SLCO5A1: variants seen among roughly 807,000 people sequenced by gnomAD.
SLCO5A1 encodes the protein solute carrier organic anion transporter family member 5A1.
Under a neutral mutation model 65.1 loss-of-function variants are expected in SLCO5A1, and 39 were observed. The ratio of observed to expected loss-of-function variants is 0.60; its 90% confidence interval spans 0.46 to 0.78. The LOEUF is 0.78. Among genes scored for constraint, SLCO5A1 ranks in the 30% least tolerant of loss-of-function variants. SLCO5A1 has a pLI of 0.00. For missense variants in SLCO5A1, 1,029 were observed against 1,069.4 expected (o/e 0.96, Z 0.53); for synonymous variants, 438 against 415.7 (o/e 1.05, Z -0.65).
chr8:69,695,778 A>G (rs1160587743), intron 6 of SLCO5A1, among the ~76,000 whole-genome samples: 2 of 152,172 alleles, frequency 1.3e-5, no homozygotes, highest in East Asian at 3.9e-4. Flanking sequence ...CTTGCCTTTG[A>G]AAACAATACT....
chr8:69,829,867 G>A (rs1023652480), intron 2 of SLCO5A1, among the ~76,000 whole-genome samples: 3 of 152,162 alleles, frequency 2.0e-5, no homozygotes, highest in Non-Finnish European at 2.9e-5. Context: ...AGAAGGCTTA[G>A]CCTCCCATCT....
chr8:69,719,464 G>A (rs1439492128), intron 5 of SLCO5A1, among the ~76,000 whole-genome samples: 1 of 152,138 alleles, frequency 6.6e-6, no homozygotes, highest in East Asian at 1.9e-4. Flanking sequence ...TGTGAAGTAG[G>A]AAGTTAAGAA....
intron 5 of SLCO5A1, among the ~76,000 whole-genome samples, chr8:69,709,975 T>C (rs1815153117): frequency 6.6e-6 from 1 of 150,974 alleles, no homozygotes. Context: ...GTAGCTAGTG[T>C]TCATCCTGTA....
At chr8:69,761,597 T>A in intron 3 of SLCO5A1, 146 bp downstream of exon 3, 1 of 750,984 alleles carries the variant, frequency 1.3e-6, no homozygotes. Context: ...TTCTTTGGGA[T>A]GTTATTAACC....
intron 5 of SLCO5A1, among the ~76,000 whole-genome samples, chr8:69,716,314 CAT>C (rs778649977): frequency 3.3e-5 from 5 of 152,112 alleles, no homozygotes; most frequent in Non-Finnish European, 7.3e-5. Flanking sequence ...TTTGTGTGAG[CAT>C]ATGTTTTTGT....
intron 2 of SLCO5A1, among the ~76,000 whole-genome samples, chr8:69,818,425 C>T (rs1820491626): frequency 6.6e-6 from 1 of 152,190 alleles, no homozygotes; most frequent in African/African-American, 2.4e-5. Flanking sequence ...TTTATAGAAA[C>T]AGAATCTGCA....
chr8:69,697,555 G>C (rs190828089), intron 6 of SLCO5A1, among the ~76,000 whole-genome samples: 7 of 152,206 alleles, frequency 4.6e-5, no homozygotes, highest in Non-Finnish European at 2.9e-5. Context: ...AATCAAGAGT[G>C]GGGGGACAGC....
chr8:69,750,402 G>A (rs1475630811), intron 4 of SLCO5A1, among the ~76,000 whole-genome samples: 1 of 151,954 alleles, frequency 6.6e-6, no homozygotes, highest in African/African-American at 2.4e-5. Context: ...CTCTTTGAGT[G>A]CTACCAAACA....
chr8:69,718,466 C>T (rs1460425289), intron 5 of SLCO5A1, among the ~76,000 whole-genome samples: 2 of 152,134 alleles, frequency 1.3e-5, no homozygotes, highest in Non-Finnish European at 2.9e-5. Context: ...TTTCCTTGTT[C>T]TGATCTTAGG....
At chr8:69,764,849 A>G (rs1159439030) in intron 2 of SLCO5A1, among the ~76,000 whole-genome samples, 2 of 152,210 alleles carry the variant, frequency 1.3e-5, no homozygotes, top group Non-Finnish European at 2.9e-5. Context: ...TTACACACAC[A>G]GACAGGGAAA....
Position 69,834,648 on chromosome 8 carries a change from G to C in SLCO5A1, c.-497+206C>G, listed in dbSNP as rs149013147. 7.9e-5 allele frequency among the ~76,000 whole-genome samples: 12 copies of C among 152,206 alleles called. No individual in the cohort carries two copies. The East Asian group carries it at 2.3e-3, about 30-fold the overall frequency. ...CCTCACAGCATCGCAGACTCGGATG[G>C]ACACGCGGATCCCGGCAGGGAGCTC... On this transcript the variant is annotated intron_variant, in intron 1 of 9. Transcript: ENST00000260126.
intron 5 of SLCO5A1, among the ~76,000 whole-genome samples, chr8:69,714,363 C>T (rs903778034): frequency 3.3e-5 from 5 of 152,172 alleles, no homozygotes; most frequent in Non-Finnish European, 5.9e-5. Context: ...AGCCTGCATG[C>T]GTTGAGCATT....
chr8:69,679,316 G>C (rs1445838411), intron 8 of SLCO5A1, 62 bp downstream of exon 8: 1 of 1,599,386 alleles, frequency 6.3e-7, no homozygotes, highest in Non-Finnish European at 8.5e-7. Flanking sequence ...CCTTGTCCTG[G>C]ATTATGTGCT....
chr8:69,791,091 TG>T (rs1259988619), intron 2 of SLCO5A1, among the ~76,000 whole-genome samples: 4 of 152,170 alleles, frequency 2.6e-5, no homozygotes, highest in Non-Finnish European at 5.9e-5. Flanking sequence ...AATAAAGGGC[TG>T]GAATTTCCCC....
chr8:69,725,370 C>G (rs1422048187), intron 5 of SLCO5A1, among the ~76,000 whole-genome samples: 1 of 152,100 alleles, frequency 6.6e-6, no homozygotes, highest in Non-Finnish European at 1.5e-5. Context: ...ATCGAGCTAC[C>G]TTATTTCTGT....
At position 69,673,080 on chromosome 8, in the gene SLCO5A1, G is replaced by A; in HGVS notation, c.2336C>T (p.Thr779Ile). Residue 779 changes from threonine to isoleucine, a missense_variant, in exon 10 of 10, where the codon ACC becomes ATC. By Grantham distance (89) the Thr-to-Ile change is moderately conservative (BLOSUM62 -1). Coordinates refer to ENST00000260126, the MANE Select transcript of SLCO5A1 (RefSeq NM_030958.3). ...RRRQREFPLS[T>I]VSERVGHPDN... Reference sequence around the variant, plus strand: ...GGGGTGTCCCACTCTCTCACTCACGGTGCTCAGGGGAAATTCTCTCTGCCT... The same window carrying A: ...GGGGTGTCCCACTCTCTCACTCACGATGCTCAGGGGAAATTCTCTCTGCCT... 2 of 1,614,212 alleles carry A rather than the reference G, an allele frequency of 1.2e-6. No individual in the cohort carries two copies. The highest frequency in any genetic ancestry group is 1.7e-6 in the Non-Finnish European group (2 of 1,180,044).
At chr8:69,778,661 T>A (rs964597515) in intron 2 of SLCO5A1, among the ~76,000 whole-genome samples, 2 of 152,256 alleles carry the variant, frequency 1.3e-5, no homozygotes, top group African/African-American at 4.8e-5. Flanking sequence ...TTTATATTAT[T>A]CAGCTGCTAA....
Position 69,832,052 on chromosome 8 carries a change from C to A in SLCO5A1, c.622G>T (p.Gly208Trp). ...TGAGGTAAGGCGAAGAGGGCTGCCC[C>A]GAAGGCGATGAGGAGTCCACCCACG... ...LAVGGLLIAF[G>W]AALFALPHFI... The change falls in exon 2 of 10, where the codon GGG becomes TGG. Residue 208 changes from glycine (G) to tryptophan (W), a missense_variant. By Grantham distance (184) the Gly-to-Trp change is radical (BLOSUM62 -2). Coordinates refer to ENST00000260126, the MANE Select transcript of SLCO5A1 (RefSeq NM_030958.3). This position sits in a 1 kb window ranked among gnomAD's most constrained non-coding sequence, Gnocchi z 4.5. 1 of 1,612,362 alleles carries A rather than the reference C, an allele frequency of 6.2e-7. No homozygotes were observed. Among genetic ancestry groups the A allele is most frequent in the South Asian group, 1.1e-5 (1 of 90,906 alleles).
intron 4 of SLCO5A1, among the ~76,000 whole-genome samples, chr8:69,744,292 C>T (rs576304910): frequency 1.3e-5 from 2 of 152,322 alleles, no homozygotes; most frequent in Admixed American, 6.5e-5. Flanking sequence ...CCTGTGAGAG[C>T]GGGCTGCTGC....
Sources: allele counts gnomAD v4.1 joint callset (sites outside exome capture counted in the v4.1 genomes callset), GRCh38; gene constraint gnomAD v4.1.1; non-coding constraint Gnocchi (gnomAD v3.1); transcripts MANE v1.5; gene names NCBI Gene and HGNC (gene_info 2026-07-23, HGNC 2026-07-21).